Variants in MIA2 observed in about 807,000 individuals in gnomAD.
MIA2 encodes melanoma inhibitory activity protein 2.
In MIA2, 127 loss-of-function variants were observed where a neutral mutation model predicts 167.8. The ratio of observed to expected loss-of-function variants is 0.76; its 90% CI spans 0.66 to 0.88. The LOEUF (loss-of-function observed/expected upper bound fraction) is 0.88. Ranked by LOEUF, MIA2 falls within the 40% of genes least tolerant of loss-of-function variation. The pLI is 0.00. For missense variants in MIA2, 1,690 were observed against 1,624.7 expected (o/e 1.04, Z -0.69); for synonymous variants, 552 against 541.9 (o/e 1.02, Z -0.26).
rs187010193 is a variant in MIA2, at chr14:39,359,141, C to T, written c.2248+10164C>T. Reference sequence around the variant, plus strand: ...CTGCCTTTTGTTTGGCTGTGCCCTGCCCCCAGAGGTGGAGTCTACAGAGGC... The same window carrying T: ...CTGCCTTTTGTTTGGCTGTGCCCTGTCCCCAGAGGTGGAGTCTACAGAGGC... On this transcript the variant is annotated intron_variant, in intron 23 of 23. Transcript: ENST00000341502. Among the ~76,000 whole-genome samples the T allele has an allele frequency of 9.2e-3, 1,399 of 152,306 alleles. 25 individuals carry two copies. The highest frequency in any genetic ancestry group is 0.032 in the African/African-American group (1,330 of 41,568).
At chr14:39,316,159 A>G (rs943794827) in intron 21 of MIA2, among the ~76,000 whole-genome samples, 2 of 152,238 alleles carry the variant, frequency 1.3e-5, no homozygotes, top group Non-Finnish European at 2.9e-5. Context: ...TCAGTGTTGA[A>G]TTACTGGGTA....
chr14:39,360,026 C>T (rs796151950), intron 23 of MIA2, among the ~76,000 whole-genome samples: 93 of 144,170 alleles, frequency 6.5e-4, no homozygotes, highest in African/African-American at 2.2e-3. Context: ...TATTAATAGC[C>T]ATTCTGGCCA....
chr14:39,246,821 A>C, intron 3 of MIA2, 90 bp from the exon 4 acceptor site: 1 of 695,410 alleles, frequency 1.4e-6, no homozygotes, highest in Non-Finnish European at 2.3e-6. Flanking sequence ...TGTCTTGGGA[A>C]TATCACAATC....
At chr14:39,285,249 C>A (rs901046243) in intron 9 of MIA2, among the ~76,000 whole-genome samples, 1 of 152,122 alleles carries the variant, frequency 6.6e-6, no homozygotes, top group African/African-American at 2.4e-5. Context: ...CTGGCCCGTT[C>A]TCAATGAGCT....
At chr14:39,344,010 A>G (rs906254766) in intron 25 of MIA2, among the ~76,000 whole-genome samples, 1 of 151,894 alleles carries the variant, frequency 6.6e-6, no homozygotes, top group African/African-American at 2.4e-5. Flanking sequence ...TAAGACATTA[A>G]TCACATGGTG....
exon 24 of MIA2, chr14:39,387,275 T>G: frequency 3.7e-6 from 1 of 271,164 alleles, no homozygotes; most frequent in Non-Finnish European, 6.7e-6. Context: ...TTGTGATTCA[T>G]GGGAGGAGAT....
chr14:39,376,564 C>T (rs1296172880), intron 23 of MIA2, among the ~76,000 whole-genome samples: 1 of 152,138 alleles, frequency 6.6e-6, no homozygotes, highest in Non-Finnish European at 1.5e-5. Context: ...TGTACTATTT[C>T]AAGCTAAAGG....
intron 7 of MIA2, 29 bp downstream of exon 7, chr14:39,277,094 T>A: frequency 6.3e-7 from 1 of 1,591,256 alleles, no homozygotes; most frequent in Admixed American, 1.8e-5. Flanking sequence ...ACTAAGAGAA[T>A]GTTCATTTTG....
At chr14:39,363,921 ATGT>A (rs2074757127) in intron 23 of MIA2, among the ~76,000 whole-genome samples, 1 of 152,118 alleles carries the variant, frequency 6.6e-6, no homozygotes, top group Non-Finnish European at 1.5e-5. Flanking sequence ...TTTACAGGTG[ATGT>A]GATTTTCTTG....
chr14:39,252,995 G>T, intron 5 of MIA2, 29 bp downstream of exon 5: 1 of 1,564,086 alleles, frequency 6.4e-7, no homozygotes, highest in Non-Finnish European at 8.7e-7. Flanking sequence ...ATTCTCTAAT[G>T]CATCAATTAA....
chr14:39,327,775 A>G (rs1566939806), intron 25 of MIA2, among the ~76,000 whole-genome samples: 1 of 152,172 alleles, frequency 6.6e-6, no homozygotes. Flanking sequence ...AGCTTCATCC[A>G]TGTACCTTGC....
chr14:39,309,121 T>G (rs182705822), intron 18 of MIA2, among the ~76,000 whole-genome samples: 10 of 152,354 alleles, frequency 6.6e-5, no homozygotes, highest in Admixed American at 6.5e-4. Context: ...GACCACTTTT[T>G]ACCATCTTCC....
chr14:39,285,374 G>A (rs1178741945), intron 9 of MIA2, among the ~76,000 whole-genome samples: 18 of 149,340 alleles, frequency 1.2e-4, no homozygotes, highest in South Asian at 6.4e-4. Context: ...GCGGCCGGGC[G>A]GGGGCTGCCC....
downstream of MIA2, among the ~76,000 whole-genome samples, chr14:39,352,850 C>A (rs1333350701): frequency 6.6e-6 from 1 of 151,916 alleles, no homozygotes; most frequent in Non-Finnish European, 1.5e-5. Flanking sequence ...TATATTTTAC[C>A]TTGGATACTC....
At chr14:39,331,799 T>G (rs1189422798) in intron 25 of MIA2, among the ~76,000 whole-genome samples, 1 of 152,242 alleles carries the variant, frequency 6.6e-6, no homozygotes, top group East Asian at 1.9e-4. Context: ...TTCTGGCTTG[T>G]AGGGTTTCTG....
intron 4 of MIA2, among the ~76,000 whole-genome samples, chr14:39,249,564 A>G (rs2054468129): frequency 6.6e-6 from 1 of 152,202 alleles, no homozygotes; most frequent in Non-Finnish European, 1.5e-5. Context: ...AAAGTTTTCA[A>G]CTTTCTCCCT....
chr14:39,314,472 C>T (rs960348420), intron 19 of MIA2, among the ~76,000 whole-genome samples: 3 of 151,078 alleles, frequency 2.0e-5, no homozygotes, highest in Non-Finnish European at 4.4e-5. Flanking sequence ...CAATATACCA[C>T]GTAAATATTT....
intron 3 of MIA2, 31 bp from the exon 4 acceptor site, chr14:39,246,880 T>A: frequency 8.0e-7 from 1 of 1,243,066 alleles, no homozygotes. Flanking sequence ...AGTACATTCA[T>A]GTTAATCATA....
At chr14:39,379,152 T>G (rs1019981855) in intron 23 of MIA2, among the ~76,000 whole-genome samples, 3 of 152,226 alleles carry the variant, frequency 2.0e-5, no homozygotes, top group South Asian at 2.1e-4. Flanking sequence ...ATTTTTTTTT[T>G]TGGTTAAAAA....
Sources: gnomAD v4.1 joint callset for allele counts (sites outside exome capture counted in the v4.1 genomes callset) on GRCh38, gnomAD v4.1.1 for gene constraint, MANE v1.5 for transcripts, NCBI Gene and HGNC (gene_info 2026-07-23, HGNC 2026-07-21) for gene names.